The following PCDH15 variants were observed in gnomAD, a reference collection of about 807,000 sequenced individuals.
The protein encoded by PCDH15 is protocadherin-15.
A neutral mutation model predicts 178.5 loss-of-function variants in PCDH15; 129 were observed. The ratio of observed to expected loss-of-function variants is 0.72; its 90% CI spans 0.63 to 0.84. The LOEUF (loss-of-function observed/expected upper bound fraction) is 0.84, where lower values mean the gene tolerates loss of function less well. Among genes scored for constraint, PCDH15 ranks in the 40% least tolerant of loss-of-function variants. PCDH15 has a pLI of 0.00. For synonymous variants in PCDH15, 800 were observed against 732.0 expected, an observed-to-expected ratio of 1.09 and a Z score of -1.50; for missense variants, 2,230 against 2,099.9, an observed-to-expected ratio of 1.06 and a Z score of -1.21.
chr10:54,668,415 G>C (rs746380676), intron 1 of PCDH15, among the ~76,000 whole-genome samples: 1 of 152,088 alleles, frequency 6.6e-6, no homozygotes, highest in Non-Finnish European at 1.5e-5. Context: ...AATGCTATCC[G>C]ATAAAATAAC....
chr10:54,263,389 T>G (rs894849418), intron 8 of PCDH15, among the ~76,000 whole-genome samples: 1 of 152,126 alleles, frequency 6.6e-6, no homozygotes, highest in Non-Finnish European at 1.5e-5. Flanking sequence ...TGCCTCCATC[T>G]CCACTTCCCA....
At chr10:54,047,673 G>A (rs548508632) in intron 18 of PCDH15, among the ~76,000 whole-genome samples, 5 of 151,992 alleles carry the variant, frequency 3.3e-5, no homozygotes, top group East Asian at 1.9e-4. Context: ...GGTGGTATTC[G>A]GTTTTCTGTC....
chr10:54,142,042 C>T (rs2043458945), intron 14 of PCDH15, among the ~76,000 whole-genome samples: 1 of 152,028 alleles, frequency 6.6e-6, no homozygotes, highest in South Asian at 2.1e-4. Context: ...CATTAGTTGT[C>T]TTGCTTTCAA....
At chr10:55,242,770 G>A (rs1227855059) in intron 1 of PCDH15, among the ~76,000 whole-genome samples, 3 of 152,136 alleles carry the variant, frequency 2.0e-5, no homozygotes, top group African/African-American at 7.2e-5. Flanking sequence ...CGGATCATCT[G>A]TGCCCAGGAG....
intron 3 of PCDH15, among the ~76,000 whole-genome samples, chr10:54,879,557 TA>T (rs1564597079): frequency 6.6e-6 from 1 of 151,952 alleles, no homozygotes; most frequent in Non-Finnish European, 1.5e-5. Context: ...TTTATTGTAA[TA>T]AAATGATGTT....
intron 1 of PCDH15, among the ~76,000 whole-genome samples, chr10:54,754,618 T>C (rs1566137126): frequency 6.6e-6 from 1 of 152,128 alleles, no homozygotes; most frequent in East Asian, 1.9e-4. Flanking sequence ...AAGTACATCA[T>C]TTAATTATTA....
At chr10:54,832,534 G>A (rs1022013105) in intron 3 of PCDH15, among the ~76,000 whole-genome samples, 10 of 152,028 alleles carry the variant, frequency 6.6e-5, no homozygotes, top group Non-Finnish European at 1.3e-4. Flanking sequence ...CCATGCCCAC[G>A]TGCATACCAT....
At chr10:54,292,448 C>T (rs921146280) in intron 8 of PCDH15, among the ~76,000 whole-genome samples, 6 of 152,170 alleles carry the variant, frequency 3.9e-5, no homozygotes, top group African/African-American at 1.4e-4. Context: ...TCCTTTTCAA[C>T]ATAGTGTTGG....
chr10:54,484,925 G>A (rs2078992011), intron 3 of PCDH15, among the ~76,000 whole-genome samples: 1 of 151,656 alleles, frequency 6.6e-6, no homozygotes, highest in African/African-American at 2.4e-5. Flanking sequence ...ATAATATTTG[G>A]TGAACATAAA....
At chr10:55,217,653 C>T (rs1214335948) in intron 1 of PCDH15, among the ~76,000 whole-genome samples, 4 of 151,776 alleles carry the variant, frequency 2.6e-5, no homozygotes, top group South Asian at 4.1e-4. Context: ...TAAAGCATTA[C>T]TAGCTAATAT....
At chr10:54,457,777 A>T (rs2076923528) in intron 3 of PCDH15, among the ~76,000 whole-genome samples, 1 of 152,178 alleles carries the variant, frequency 6.6e-6, no homozygotes, top group Admixed American at 6.5e-5. Flanking sequence ...AGGAACACAA[A>T]ACTATGTGCT....
chr10:54,247,484 C>T (rs1422067068), intron 8 of PCDH15, among the ~76,000 whole-genome samples: 2 of 151,596 alleles, frequency 1.3e-5, no homozygotes, highest in South Asian at 4.1e-4. Context: ...TGTAGGACAT[C>T]TAAATACAAA....
chr10:55,345,681 C>G (rs2131960325), intron 2 of PCDH15, among the ~76,000 whole-genome samples: 1 of 102,270 alleles, frequency 9.8e-6, no homozygotes, highest in African/African-American at 4.4e-5. Flanking sequence ...TTGTGTGATA[C>G]TTTTTACTCT....
intron 1 of PCDH15, among the ~76,000 whole-genome samples, chr10:55,293,558 C>A (rs1420656776): frequency 1.3e-5 from 2 of 152,134 alleles, no homozygotes; most frequent in African/African-American, 4.8e-5. Flanking sequence ...TTTAACAGCA[C>A]CCAAGTCACA....
intron 17 of PCDH15, among the ~76,000 whole-genome samples, chr10:54,071,092 TTAAC>T (rs1280372058): frequency 5.3e-5 from 8 of 152,150 alleles, no homozygotes; most frequent in African/African-American, 1.7e-4. Context: ...GGCAAAATAA[TTAAC>T]TAATTTTCTA....
At chr10:54,442,456 AT>A (rs1565288315) in intron 3 of PCDH15, among the ~76,000 whole-genome samples, 3 of 105,560 alleles carry the variant, frequency 2.8e-5, no homozygotes, top group African/African-American at 8.0e-5. Context: ...ATATATATAT[AT>A]ATACAGTCTT....
chr10:55,319,891 C>T (rs115457928), upstream of PCDH15, among the ~76,000 whole-genome samples: 188 of 152,206 alleles, frequency 1.2e-3, no homozygotes, highest in African/African-American at 3.8e-3. Flanking sequence ...GCTTGCCTTG[C>T]TCCCACAGTA....
chr10:54,443,142 A>C (rs184529899), intron 3 of PCDH15, among the ~76,000 whole-genome samples: 57 of 151,724 alleles, frequency 3.8e-4, no homozygotes, highest in African/African-American at 9.6e-4. Context: ...TCCCATAATT[A>C]TTGTGTTTCC....
At chr10:54,649,296 G>T (rs148063200) in intron 2 of PCDH15, among the ~76,000 whole-genome samples, 1 of 152,230 alleles carries the variant, frequency 6.6e-6, no homozygotes, top group African/African-American at 2.4e-5. Context: ...ATACTAATTT[G>T]ATCTGTAATA....
Sources: gnomAD v4.1 joint callset for allele counts (sites outside exome capture counted in the v4.1 genomes callset) on GRCh38, gnomAD v4.1.1 for gene constraint, MANE v1.5 for transcripts, NCBI Gene and HGNC (gene_info 2026-07-23, HGNC 2026-07-21) for gene names.